The following THADA variants were observed in gnomAD, a reference collection of about 807,000 sequenced individuals.
THADA encodes THADA armadillo repeat containing, also known as tRNA (32-2'-O)-methyltransferase regulator THADA.
A neutral mutation model predicts 219.8 loss-of-function variants in THADA; 213 were observed. The ratio of observed to expected loss-of-function variants is 0.97; its 90% confidence interval spans 0.87 to 1.09. THADA has a LOEUF of 1.09. Among genes scored for constraint, THADA ranks in the 50% least tolerant of loss-of-function variants. The probability of loss-of-function intolerance (pLI) is 0.00; values close to 1 mark genes in which losing one functional copy is unlikely to be tolerated. For synonymous variants in THADA, 1,018 were observed against 828.9 expected, an observed-to-expected ratio of 1.23 and a Z score of -3.92; for missense variants, 2,956 against 2,311.3, an observed-to-expected ratio of 1.28 and a Z score of -5.72.
At chr2:43,396,583 T>C (rs1380634293) in intron 29 of THADA, among the ~76,000 whole-genome samples, 1 of 152,080 alleles carries the variant, frequency 6.6e-6, no homozygotes, top group East Asian at 1.9e-4. Flanking sequence ...GGCGGATCAC[T>C]TGAGGTCAGG....
At chr2:43,502,119 T>C (rs1689068534) in intron 24 of THADA, among the ~76,000 whole-genome samples, 1 of 150,906 alleles carries the variant, frequency 6.6e-6, no homozygotes, top group Non-Finnish European at 1.5e-5. Flanking sequence ...TGGCAAACAT[T>C]AAATTATTTT....
intron 35 of THADA, 135 bp downstream of exon 35, chr2:43,286,773 C>A: frequency 2.0e-6 from 2 of 988,582 alleles, no homozygotes; most frequent in Non-Finnish European, 3.0e-6. Flanking sequence ...TGAACTAAGA[C>A]GGTAGGAATA....
At chr2:43,246,528 A>C (rs534984998) in intron 36 of THADA, among the ~76,000 whole-genome samples, 117 of 150,756 alleles carry the variant, frequency 7.8e-4, no homozygotes, top group Admixed American at 2.8e-3. Context: ...ACAAAAAAAA[A>C]CAGAATCCAG....
At chr2:43,527,817 C>G (rs1276989099) in intron 22 of THADA, 62 bp downstream of exon 22, 3 of 1,167,312 alleles carry the variant, frequency 2.6e-6, no homozygotes, top group African/African-American at 3.1e-5. Flanking sequence ...AAATTCTACT[C>G]CAAGCATATG....
chr2:43,556,600 T>G, intron 16 of THADA, 45 bp from the exon 17 acceptor site: 6 of 1,550,614 alleles, frequency 3.9e-6, no homozygotes, highest in South Asian at 2.3e-5. Context: ...TAAAGATCTC[T>G]TTAATTTAAA....
intron 35 of THADA, among the ~76,000 whole-genome samples, chr2:43,280,940 T>A (rs550756664): frequency 6.6e-6 from 1 of 152,252 alleles, no homozygotes; most frequent in African/African-American, 2.4e-5. Flanking sequence ...CTGCTGTAAC[T>A]GACACAGAAT....
intron 36 of THADA, among the ~76,000 whole-genome samples, chr2:43,245,172 C>CTTTTTTTTTTTTTTTTTTTTTTTTTTTT (rs200036949): frequency 6.8e-5 from 7 of 103,144 alleles, no homozygotes; most frequent in Non-Finnish European, 1.1e-4. Flanking sequence ...CTTTCTTCTT[C>CTTTTTTTTTTTTTTTTTTTTTTTTTTTT]TTTTTTTTTT....
chr2:43,366,736 A>G (rs758597600), intron 29 of THADA, among the ~76,000 whole-genome samples: 8 of 152,248 alleles, frequency 5.3e-5, no homozygotes, highest in Non-Finnish European at 1.2e-4. Flanking sequence ...TCCTCAAAAC[A>G]TTAAAAATTG....
At chr2:43,413,464 A>G (rs1321617754) in intron 28 of THADA, among the ~76,000 whole-genome samples, 1 of 152,226 alleles carries the variant, frequency 6.6e-6, no homozygotes, top group Non-Finnish European at 1.5e-5. Context: ...AATACGGTCA[A>G]GAAATATATG....
intron 20 of THADA, among the ~76,000 whole-genome samples, chr2:43,546,830 G>A (rs1696094439): frequency 1.3e-5 from 2 of 152,138 alleles, no homozygotes; most frequent in Admixed American, 6.5e-5. Context: ...TATCCAATTT[G>A]CCAGCCTGTG....
chr2:43,391,134 G>C (rs999993888), intron 29 of THADA, among the ~76,000 whole-genome samples: 1 of 152,112 alleles, frequency 6.6e-6, no homozygotes, highest in African/African-American at 2.4e-5. Flanking sequence ...TAGGAACTCA[G>C]TGACTGGTAC....
At chr2:43,415,778 G>C (rs1676875181) in intron 28 of THADA, among the ~76,000 whole-genome samples, 1 of 152,140 alleles carries the variant, frequency 6.6e-6, no homozygotes, top group Non-Finnish European at 1.5e-5. Flanking sequence ...GAGGACACAA[G>C]GAAGCTGCTC....
chr2:43,361,599 A>C (rs529572950), intron 29 of THADA, among the ~76,000 whole-genome samples: 40 of 152,150 alleles, frequency 2.6e-4, no homozygotes, highest in African/African-American at 9.6e-4. Context: ...TTTTGACTTG[A>C]CCACTGGACT....
rs371718091 is a variant in THADA at position 43,541,505 on chromosome 2, GT to G, written c.3107-190del. ...GTGTTATGAGAAGAAATCATGCTAAGTTTTTTTTTTTTTCTTTTTTGGAGAC... is the reference window on the plus strand; with the variant it reads ...GTGTTATGAGAAGAAATCATGCTAAGTTTTTTTTTTTTCTTTTTTGGAGAC... On this transcript the variant is annotated intron_variant, in intron 20 of 37. Transcript: ENST00000405975. 8.2e-3 allele frequency among the ~76,000 whole-genome samples: 1,205 copies of G among 146,652 alleles called. 8 individuals carry two copies. The highest frequency in any genetic ancestry group is 0.043 in the Middle Eastern group (12 of 276).
chr2:43,310,197 T>TCCTCCCTC (rs973179314), intron 31 of THADA, among the ~76,000 whole-genome samples: 2 of 125,674 alleles, frequency 1.6e-5, no homozygotes, highest in Non-Finnish European at 3.3e-5. Flanking sequence ...GCTTTTTCTT[T>TCCTCCCTC]CCTCCCTCCC....
intron 24 of THADA, 80 bp downstream of exon 24, chr2:43,505,542 G>A (rs1689558338): frequency 1.9e-6 from 2 of 1,072,074 alleles, no homozygotes; most frequent in Middle Eastern, 2.0e-4. Flanking sequence ...TAACAAGACG[G>A]TAACAGCCGT....
At chr2:43,273,436 T>C (rs1572866123) in intron 36 of THADA, among the ~76,000 whole-genome samples, 1 of 152,166 alleles carries the variant, frequency 6.6e-6, no homozygotes, top group South Asian at 2.1e-4. Flanking sequence ...TTGGTACATC[T>C]ACAATATTGA....
intron 26 of THADA, among the ~76,000 whole-genome samples, chr2:43,430,962 C>G (rs1679181547): frequency 6.6e-6 from 1 of 152,216 alleles, no homozygotes; most frequent in African/African-American, 2.4e-5. Context: ...TTCTGGAAAT[C>G]TAATCCTTGC....
At chr2:43,268,618 G>A (rs1671792912) in intron 36 of THADA, among the ~76,000 whole-genome samples, 1 of 152,222 alleles carries the variant, frequency 6.6e-6, no homozygotes, top group Non-Finnish European at 1.5e-5. Flanking sequence ...GGGCTTCCCA[G>A]GTCTCTGATG....
Sources: allele counts gnomAD v4.1 joint callset (sites outside exome capture counted in the v4.1 genomes callset), GRCh38; gene constraint gnomAD v4.1.1; transcripts MANE v1.5; gene names NCBI Gene and HGNC (gene_info 2026-07-23, HGNC 2026-07-21).